The following SCN8A variants were observed in gnomAD, a reference collection of about 807,000 sequenced individuals.
SCN8A encodes sodium channel protein type 8 subunit alpha.
A neutral mutation model predicts 184.1 loss-of-function variants in SCN8A; 30 were observed. That is an observed-to-expected ratio of 0.16 (90% CI 0.12 to 0.22). SCN8A has a LOEUF of 0.22. Ranked by LOEUF, SCN8A falls within the 10% of genes least tolerant of loss-of-function variation. The probability of loss-of-function intolerance (pLI) is 1.00; values close to 1 mark genes in which losing one functional copy is unlikely to be tolerated. For synonymous variants in SCN8A, 852 were observed against 907.0 expected (o/e 0.94, Z 1.09); for missense variants, 1,057 against 2,498.9 (o/e 0.42, Z 12.30).
chr12:51,608,711 AT>A lies in SCN8A; in HGVS notation c.-55+17360del, dbSNP rs1028895045. Among the ~76,000 whole-genome samples the A allele has an allele frequency of 7.9e-5, 12 of 151,054 alleles. No individual in the cohort carries two copies. In the East Asian group the frequency reaches 2.0e-3, roughly 25 times the overall value. ...AACCAGCTTTTTGTTTCATTTTTGT[AT>A]TTTTTTTGTTTCAATTTCATTTAGT... On this transcript the variant is annotated intron_variant, in intron 1 of 26. Coordinates refer to ENST00000627620, the MANE Select transcript of SCN8A (RefSeq NM_001330260.2).
At chr12:51,805,548 C>T (rs1241639135) in intron 26 of SCN8A, among the ~76,000 whole-genome samples, 1 of 151,440 alleles carries the variant, frequency 6.6e-6, no homozygotes, top group Non-Finnish European at 1.5e-5. Context: ...TGATACATAC[C>T]ATCTTCAGCA....
At chr12:51,802,079 C>A (rs1398134955) in intron 26 of SCN8A, among the ~76,000 whole-genome samples, 1 of 152,010 alleles carries the variant, frequency 6.6e-6, no homozygotes, top group Non-Finnish European at 1.5e-5. Context: ...TCAAGCAGTT[C>A]TTTTGGAGTG....
chr12:51,591,792 C>T (rs1232413519), intron 1 of SCN8A, among the ~76,000 whole-genome samples: 1 of 152,000 alleles, frequency 6.6e-6, no homozygotes, highest in Non-Finnish European at 1.5e-5. Context: ...CCTCAGCCCT[C>T]CCCCTCCCCC....
rs1392692034 is a variant in SCN8A, at chr12:51,674,515, A to T, written c.277-9659A>T. 2.0e-5 allele frequency among the ~76,000 whole-genome samples: 3 copies of T among 152,232 alleles called. No homozygotes were observed. In the East Asian group the frequency reaches 5.8e-4, roughly 29 times the overall value. ...GCCTGGCTAATTTTTTTGTATTTTT[A>T]GTAGAGACGGGGTTTTGCCATGTTG... On this transcript the variant is annotated intron_variant, in intron 2 of 26. Coordinates refer to ENST00000627620, the MANE Select transcript of SCN8A (RefSeq NM_001330260.2).
intron 12 of SCN8A, among the ~76,000 whole-genome samples, chr12:51,740,757 GTGTT>G (rs1942409061): frequency 6.6e-6 from 1 of 152,120 alleles, no homozygotes; most frequent in Non-Finnish European, 1.5e-5. Flanking sequence ...TGAAAGTGGG[GTGTT>G]GAAGTCTCTA....
rs1938755223 is a variant in SCN8A, at chr12:51,807,745, A to G, written c.*316A>G. ...CAGAAGAGAGGCTGCCGGGACCAGC[A>G]TATTTCCGTTGCAGCCAAATGGATT... On this transcript the variant is annotated 3_prime_UTR_variant, in exon 27 of 27. Coordinates refer to ENST00000627620, the MANE Select transcript of SCN8A (RefSeq NM_001330260.2). The surrounding 1 kb of genome is among the most constrained non-coding windows in gnomAD (Gnocchi z 4.5). 1 of 337,360 alleles carries G rather than the reference A, an allele frequency of 3.0e-6. No homozygotes were observed. Among genetic ancestry groups the G allele is most frequent in the Non-Finnish European group, 5.4e-6 (1 of 185,430 alleles). The allele number at this position is 337,360 out of a possible 1,614,324, so 20.9% of individuals were successfully genotyped here. A position where few individuals can be genotyped will look rare whatever the true frequency, so the allele number is the denominator to read the frequency against.
In SCN8A at chr12:51,686,432, C is replaced by A; in HGVS notation, c.460C>A (p.Pro154Thr). The change falls in exon 4 of 27, where the codon CCT (proline) becomes ACT (threonine). Residue 154 changes from proline to threonine, a missense_variant. Transcript: ENST00000627620. ...CTGTGTATTCATGACTTTTAGTAAC[C>A]CTCCTGACTGGTCGAAGAATGTGGA... Reference protein sequence around the residue: ...TNCVFMTFSNPPDWSKNVEYT... With the variant: ...TNCVFMTFSNTPDWSKNVEYT... 1 of 1,609,794 alleles carries A rather than the reference C, an allele frequency of 6.2e-7. No homozygotes were observed. Among genetic ancestry groups the A allele is most frequent in the Non-Finnish European group, 8.5e-7 (1 of 1,176,458 alleles).
intron 1 of SCN8A, among the ~76,000 whole-genome samples, chr12:51,604,527 C>T (rs562103548): frequency 2.6e-5 from 4 of 151,136 alleles, no homozygotes; most frequent in East Asian, 3.9e-4. Context: ...GTTTTTGTTT[C>T]GTTTTGTTTG....
At chr12:51,679,526 C>T (rs1351996934) in intron 2 of SCN8A, among the ~76,000 whole-genome samples, 1 of 152,164 alleles carries the variant, frequency 6.6e-6, no homozygotes, top group African/African-American at 2.4e-5. Flanking sequence ...ACCACAGTTA[C>T]AGGGGTAAGT....
At position 51,721,528 on chromosome 12, in the gene SCN8A, C is replaced by T; in HGVS notation, c.1636-18C>T. 1 of 1,581,682 alleles carries T rather than the reference C, an allele frequency of 6.3e-7. No individual in the cohort carries two copies. The highest frequency in any genetic ancestry group is 1.2e-5 in the South Asian group (1 of 85,020). On this transcript the variant is annotated intron_variant, in intron 11 of 26. Coordinates refer to ENST00000627620, the MANE Select transcript of SCN8A (RefSeq NM_001330260.2). ...CTCATTTCCCCGTCCCTCTCTCTTT[C>T]CCTGTCTGCCCCTGCAGTCACTGCT...
chr12:51,617,367 T>C (rs147198521), intron 1 of SCN8A, among the ~76,000 whole-genome samples: 279 of 152,322 alleles, frequency 1.8e-3, no homozygotes, highest in African/African-American at 6.5e-3. Context: ...AACTATTCTG[T>C]CATCTCTATT....
chr12:51,741,711 T>G (rs1020355895), intron 12 of SCN8A, among the ~76,000 whole-genome samples: 4 of 152,152 alleles, frequency 2.6e-5, no homozygotes, highest in African/African-American at 9.7e-5. Context: ...TATTTTATTT[T>G]TATTTATTTA....
rs563939885 is a variant in SCN8A, at chr12:51,620,095, G to C, written c.-55+28736G>C. ...TTAGAGAAGTATTTAATATTATGGA[G>C]ACCAAAGAGTTGTCATTTAGGGTTG... On this transcript the variant is annotated intron_variant, in intron 1 of 26. Transcript: ENST00000627620. 1.6e-4 allele frequency among the ~76,000 whole-genome samples: 24 copies of C among 152,282 alleles called. No individual in the cohort carries two copies. In the South Asian group the frequency reaches 4.8e-3, roughly 30 times the overall value.
chr12:51,686,512 A>C, intron 4 of SCN8A, 55 bp downstream of exon 4: 1 of 1,266,654 alleles, frequency 7.9e-7, no homozygotes, highest in Non-Finnish European at 1.1e-6. Flanking sequence ...TTAGTCACTA[A>C]ATCTTGCTTT....
At chr12:51,658,367 G>T (rs549507569) in intron 1 of SCN8A, among the ~76,000 whole-genome samples, 128 of 151,814 alleles carry the variant, frequency 8.4e-4, no homozygotes, top group Middle Eastern at 3.4e-3. Context: ...TATTTTTTTG[G>T]TGGCTATTAT....
chr12:51,727,475 G>A (rs1034982213), intron 12 of SCN8A, among the ~76,000 whole-genome samples: 3 of 151,734 alleles, frequency 2.0e-5, no homozygotes, highest in African/African-American at 7.3e-5. Flanking sequence ...TCTTTCCTCT[G>A]GCCCTTGGAT....
chr12:51,779,373 G>A (rs1937823369), intron 20 of SCN8A, among the ~76,000 whole-genome samples: 1 of 152,216 alleles, frequency 6.6e-6, no homozygotes, highest in Admixed American at 6.5e-5. Context: ...TGTTGAGAAA[G>A]CATCGTGGTA....
intron 1 of SCN8A, among the ~76,000 whole-genome samples, chr12:51,592,359 C>T (rs1939246699): frequency 6.6e-6 from 1 of 151,970 alleles, no homozygotes; most frequent in Admixed American, 6.6e-5. Context: ...CTTTCAGGGG[C>T]CCCAGCTTCG....
At position 51,664,212 on chromosome 12, in the gene SCN8A, C is replaced by CT. The variant is rs747228979; in HGVS notation, c.276+1132dup. On this transcript the variant is annotated intron_variant, in intron 2 of 26. Coordinates refer to ENST00000627620, the MANE Select transcript of SCN8A (RefSeq NM_001330260.2). ...CATAATTTACCATGTTTATTATTTA[C>CT]TTTTTTTTTTTTTGAGACAGAGTCT... Among the ~76,000 whole-genome samples the CT allele has an allele frequency of 1.4e-3, 207 of 142,950 alleles. 1 individual carries two copies. Among genetic ancestry groups the CT allele is most frequent in the Middle Eastern group, 7.5e-3 (2 of 266 alleles). The allele number at this position is 142,950 out of a possible 152,430, so 93.8% of individuals were successfully genotyped here.
Sources: allele counts gnomAD v4.1 joint callset (sites outside exome capture counted in the v4.1 genomes callset), GRCh38; gene constraint gnomAD v4.1.1; non-coding constraint Gnocchi (gnomAD v3.1); transcripts MANE v1.5; gene names NCBI Gene and HGNC (gene_info 2026-07-23, HGNC 2026-07-21).